SH3BGRL2: variants seen among roughly 807,000 people sequenced by gnomAD.
SH3BGRL2 encodes SH3 domain-binding glutamic acid-rich-like protein 2.
In SH3BGRL2, 21 loss-of-function variants were observed where a neutral mutation model predicts 14.8. The observed-to-expected ratio is 1.42, with a 90% CI of 1.01 to 2.05. The LOEUF is 2.05. Among genes scored for constraint, SH3BGRL2 ranks in the 30% most tolerant of loss-of-function variants. The probability of loss-of-function intolerance (pLI) is 0.00; values close to 1 mark genes in which losing one functional copy is unlikely to be tolerated. For missense variants in SH3BGRL2, 147 were observed against 130.8 expected, an observed-to-expected ratio of 1.12 and a Z score of -0.61; for synonymous variants, 50 against 47.8, an observed-to-expected ratio of 1.05 and a Z score of -0.19.
At chr6:79,676,605 ATGTGTGTGTGTGTG>A (rs58234438) in intron 2 of SH3BGRL2, among the ~76,000 whole-genome samples, 12 of 139,772 alleles carry the variant, frequency 8.6e-5, no homozygotes, top group African/African-American at 2.9e-4. Context: ...GTCTTTATGT[ATGTGTGTGTGTGTG>A]TGTGTGTGTG....
chr6:79,611,398 A>G, the SH3BGRL2 span, among the ~76,000 whole-genome samples: 3 of 148,626 alleles, frequency 2.0e-5, no homozygotes, highest in Non-Finnish European at 4.4e-5. Context: ...TAACTACAGT[A>G]TATAACTTTT....
chr6:79,662,333 C>T (rs1197536393), intron 1 of SH3BGRL2, among the ~76,000 whole-genome samples: 2 of 152,274 alleles, frequency 1.3e-5, no homozygotes, highest in South Asian at 2.1e-4. Flanking sequence ...TCTTGTAAGG[C>T]GGACCTGGTG....
chr6:79,585,320 A>G, the SH3BGRL2 span, among the ~76,000 whole-genome samples: 2 of 152,168 alleles, frequency 1.3e-5, no homozygotes, highest in Non-Finnish European at 2.9e-5. Context: ...TAATTTTTAA[A>G]TTAAAAAAAA....
chr6:79,620,831 G>A, the SH3BGRL2 span, among the ~76,000 whole-genome samples: 1 of 152,192 alleles, frequency 6.6e-6, no homozygotes, highest in Admixed American at 6.5e-5. Context: ...TGGAAGCCAT[G>A]TTTTCCAATT....
chr6:79,683,605 T>C (rs144078261), intron 2 of SH3BGRL2, among the ~76,000 whole-genome samples: 2,972 of 152,140 alleles, frequency 0.02, 99 homozygotes, highest in African/African-American at 0.067. Flanking sequence ...CATGCCACCA[T>C]GCCTGGCTAA....
the SH3BGRL2 span, among the ~76,000 whole-genome samples, chr6:79,540,599 T>C: frequency 6.6e-6 from 1 of 152,190 alleles, no homozygotes; most frequent in Non-Finnish European, 1.5e-5. Flanking sequence ...GTTTAAAGGA[T>C]ACAGTTTCTG....
chr6:79,655,784 T>C (rs1301769617), intron 1 of SH3BGRL2, among the ~76,000 whole-genome samples: 2 of 152,246 alleles, frequency 1.3e-5, no homozygotes, highest in Non-Finnish European at 2.9e-5. Context: ...GACTGGATAA[T>C]GTTCCATTGT....
the SH3BGRL2 span, among the ~76,000 whole-genome samples, chr6:79,543,675 G>T: frequency 6.6e-6 from 1 of 152,170 alleles, no homozygotes; most frequent in Non-Finnish European, 1.5e-5. Flanking sequence ...ATTAAAAACA[G>T]AAGCATATTT....
At chr6:79,661,175 T>C (rs1212731588) in intron 1 of SH3BGRL2, among the ~76,000 whole-genome samples, 1 of 152,202 alleles carries the variant, frequency 6.6e-6, no homozygotes, top group Non-Finnish European at 1.5e-5. Flanking sequence ...TCTGCTAGCT[T>C]TTGAATTTGT....
intron 1 of SH3BGRL2, among the ~76,000 whole-genome samples, chr6:79,663,196 G>A (rs1397006643): frequency 1.3e-5 from 2 of 152,168 alleles, no homozygotes; most frequent in African/African-American, 2.4e-5. Flanking sequence ...CATTGCTGGC[G>A]AGGGACTGCC....
intron 2 of SH3BGRL2, among the ~76,000 whole-genome samples, chr6:79,696,242 C>A (rs193054652): frequency 2.3e-4 from 35 of 152,262 alleles, no homozygotes; most frequent in African/African-American, 7.9e-4. Flanking sequence ...ATTTCTGTCA[C>A]CAAATGTTTT....
Position 79,649,528 on chromosome 6 carries a change from T to G in SH3BGRL2, c.45+18022T>G, listed in dbSNP as rs1769238275. On this transcript the variant is annotated intron_variant, in intron 1 of 3. Transcript: ENST00000369838. ...TTGCTCCTACCTCTGGCCCCCACAT[T>G]TGTAGCACCTTTTTTTGCCTTTCAT... Among the ~76,000 whole-genome samples the G allele has an allele frequency of 5.9e-5, 9 of 152,274 alleles. No homozygotes were observed. In the South Asian group the frequency reaches 1.9e-3, roughly 32 times the overall value.
At chr6:79,611,849 C>T in the SH3BGRL2 span, among the ~76,000 whole-genome samples, 1 of 152,178 alleles carries the variant, frequency 6.6e-6, no homozygotes, top group Non-Finnish European at 1.5e-5. Context: ...CACTTAGAAC[C>T]TCAGTCTTGT....
chr6:79,596,767 A>G, the SH3BGRL2 span, among the ~76,000 whole-genome samples: 1 of 152,236 alleles, frequency 6.6e-6, no homozygotes, highest in Middle Eastern at 3.2e-3. Flanking sequence ...ACAGAAATTG[A>G]CAAGCTGAAC....
chr6:79,596,228 G>A, the SH3BGRL2 span, among the ~76,000 whole-genome samples: 4 of 152,314 alleles, frequency 2.6e-5, no homozygotes, highest in Non-Finnish European at 4.4e-5. Flanking sequence ...GTGTGATCAC[G>A]GATTACTGCA....
At chr6:79,575,123 A>AAGAACTAT in the SH3BGRL2 span, 1 of 152,234 alleles carries the variant, frequency 6.6e-6, no homozygotes, top group Admixed American at 6.5e-5. Flanking sequence ...AAGAATAACA[A>AAGAACTAT]AGAACTACAG....
the SH3BGRL2 span, among the ~76,000 whole-genome samples, chr6:79,588,741 T>G: frequency 6.6e-6 from 1 of 150,592 alleles, no homozygotes; most frequent in Non-Finnish European, 1.5e-5. Flanking sequence ...ATAAAGTGAC[T>G]GTATCATAAA....
intron 2 of SH3BGRL2, among the ~76,000 whole-genome samples, chr6:79,683,519 C>A (rs1202213173): frequency 6.6e-6 from 1 of 151,110 alleles, no homozygotes; most frequent in Non-Finnish European, 1.5e-5. Flanking sequence ...AGTGTAGTGG[C>A]ACAGTCACCA....
intron 2 of SH3BGRL2, among the ~76,000 whole-genome samples, chr6:79,678,224 T>C (rs1381765361): frequency 6.6e-6 from 1 of 152,206 alleles, no homozygotes; most frequent in Non-Finnish European, 1.5e-5. Context: ...GTATTTACAT[T>C]GTTGTGAAAC....
Sources: allele counts gnomAD v4.1 joint callset (sites outside exome capture counted in the v4.1 genomes callset), GRCh38; gene constraint gnomAD v4.1.1; transcripts MANE v1.5; gene names NCBI Gene and HGNC (gene_info 2026-07-23, HGNC 2026-07-21).